GAD1: variants seen among roughly 807,000 people sequenced by gnomAD.
The protein encoded by GAD1 is 67 kDa glutamic acid decarboxylase.
In GAD1, 35 loss-of-function variants were observed where a neutral mutation model predicts 75.2. That is an observed-to-expected ratio of 0.47 (90% CI 0.36 to 0.62). The LOEUF (loss-of-function observed/expected upper bound fraction) is 0.62, where lower values mean the gene tolerates loss of function less well. GAD1 is among the 20% of genes least tolerant of loss of function. The pLI, the probability that GAD1 is intolerant of heterozygous loss-of-function variation, is 0.00. For synonymous variants in GAD1, 257 were observed against 271.9 expected (o/e 0.95, Z 0.54); for missense variants, 490 against 758.5 (o/e 0.65, Z 4.16).
At chr2:170,838,805 C>G (rs3791852) in intron 6 of GAD1, among the ~76,000 whole-genome samples, 22 of 152,328 alleles carry the variant, frequency 1.4e-4, no homozygotes, top group African/African-American at 5.3e-4. Context: ...GTGTCCCAGC[C>G]ATCTGAGGTC....
intron 6 of GAD1, among the ~76,000 whole-genome samples, chr2:170,840,645 GAGGGAGGT>G: frequency 8.5e-6 from 1 of 117,290 alleles, no homozygotes; most frequent in Non-Finnish European, 1.8e-5. Context: ...GGGAGGAAAG[GAGGGAGGT>G]AGGGAAGGGA....
chr2:170,839,586 C>T (rs567734135), intron 6 of GAD1, among the ~76,000 whole-genome samples: 1 of 151,648 alleles, frequency 6.6e-6, no homozygotes, highest in Non-Finnish European at 1.5e-5. Flanking sequence ...CGCACTCCAG[C>T]CCGGGCGACA....
chr2:170,843,746 T>A, intron 6 of GAD1: 1 of 329,688 alleles, frequency 3.0e-6, no homozygotes, highest in Non-Finnish European at 5.6e-6. Flanking sequence ...AGTCATTTTC[T>A]TTCCTTCTAT....
chr2:170,833,019 G>A (rs905711449), intron 5 of GAD1, among the ~76,000 whole-genome samples: 3 of 152,220 alleles, frequency 2.0e-5, no homozygotes, highest in African/African-American at 4.8e-5. Context: ...GACAGATCTA[G>A]AATAATTGAC....
intron 3 of GAD1, among the ~76,000 whole-genome samples, chr2:170,828,131 C>A (rs1702074657): frequency 6.9e-6 from 1 of 144,100 alleles, no homozygotes; most frequent in Non-Finnish European, 1.5e-5. Context: ...CCTCACCCTC[C>A]TCCCTCTGCT....
At position 170,830,808 on chromosome 2, in the gene GAD1, T is replaced by C. The variant is rs533630532; in HGVS notation, c.305-142T>C. 5 of 1,029,386 alleles carry C rather than the reference T, an allele frequency of 4.9e-6. No homozygotes were observed. In the South Asian group the frequency reaches 7.8e-5, roughly 16 times the overall value. 63.8% of individuals were successfully genotyped at this position (1,029,386 alleles called of 1,614,324 possible). A position where few individuals can be genotyped will look rare whatever the true frequency, so the allele number is the denominator to read the frequency against. On this transcript the variant is annotated intron_variant, in intron 4 of 16. Coordinates refer to ENST00000358196, the MANE Select transcript of GAD1 (RefSeq NM_000817.3). ...TATGTGCATTTTTCTGGAGATGTGGTATATCCGATTCTCAGTGCACATACA... is the reference window on the plus strand; with the variant it reads ...TATGTGCATTTTTCTGGAGATGTGGCATATCCGATTCTCAGTGCACATACA...
intron 11 of GAD1, among the ~76,000 whole-genome samples, chr2:170,848,109 G>GA (rs1192964296): frequency 6.6e-5 from 10 of 152,116 alleles, no homozygotes; most frequent in Admixed American, 2.0e-4. Flanking sequence ...ATTTCAGAGG[G>GA]AAAAAATAGA....
At chr2:170,855,652 A>G (rs1039745613) in intron 14 of GAD1, among the ~76,000 whole-genome samples, 6 of 151,968 alleles carry the variant, frequency 3.9e-5, no homozygotes, top group African/African-American at 1.4e-4. Context: ...AGGCAGGCGG[A>G]TCATTTGAGC....
Position 170,818,411 on chromosome 2 carries a change from C to G in GAD1, c.-63-118C>G. 1.5e-6 allele frequency: 1 copy of G among 657,744 alleles called. No individual in the cohort carries two copies. Among genetic ancestry groups the G allele is most frequent in the South Asian group, 1.7e-5 (1 of 57,792 alleles). The allele number at this position is 657,744 out of a possible 1,614,324, so 40.7% of individuals were successfully genotyped here. A position where few individuals can be genotyped will look rare whatever the true frequency, so the allele number is the denominator to read the frequency against. ...CAGGCAGGCTCGCTGCCTTTCCTCC[C>G]TCTTGTCTCTCCAGAGCCGGATCTT... On this transcript the variant is annotated intron_variant, in intron 1 of 16. Transcript: ENST00000358196. The surrounding 1 kb of genome is among the most constrained non-coding windows in gnomAD (Gnocchi z 5.9).
At chr2:170,832,254 C>T (rs896446517) in intron 5 of GAD1, among the ~76,000 whole-genome samples, 2 of 152,152 alleles carry the variant, frequency 1.3e-5, no homozygotes, top group African/African-American at 4.8e-5. Flanking sequence ...AAGGTGCTGG[C>T]TATGCTCTCT....
chr2:170,824,433 CCCTGGAGGGATGGA>C (rs1311989842), intron 3 of GAD1, among the ~76,000 whole-genome samples: 44 of 151,092 alleles, frequency 2.9e-4, no homozygotes, highest in African/African-American at 1.0e-3. Flanking sequence ...CTCCCTTCAT[CCCTGGAGGGATGGA>C]CCTGGAGGGT....
intron 4 of GAD1, 179 bp downstream of exon 4, chr2:170,829,812 C>T: frequency 1.5e-6 from 1 of 668,620 alleles, no homozygotes; most frequent in Non-Finnish European, 2.5e-6. Flanking sequence ...CCCTGCTGGC[C>T]AGGTCTCCAT....
intron 3 of GAD1, among the ~76,000 whole-genome samples, chr2:170,827,127 C>A (rs1702044289): frequency 6.6e-6 from 1 of 152,126 alleles, no homozygotes; most frequent in African/African-American, 2.4e-5. Flanking sequence ...TTCTTCCCTC[C>A]AGAAATAGCC....
intron 3 of GAD1, among the ~76,000 whole-genome samples, chr2:170,828,049 ACCCC>A: frequency 3.6e-5 from 1 of 27,772 alleles, no homozygotes; most frequent in African/African-American, 2.5e-4. Flanking sequence ...TGCCATCCTC[ACCCC>A]TCCTCCTTCT....
At chr2:170,840,640 G>A in intron 6 of GAD1, among the ~76,000 whole-genome samples, 1 of 90,942 alleles carries the variant, frequency 1.1e-5, no homozygotes, top group Non-Finnish European at 2.1e-5. Context: ...AGGAAGGGAG[G>A]AAAGGAGGGA....
intron 3 of GAD1, among the ~76,000 whole-genome samples, chr2:170,828,067 G>GTCCTCCCCC (rs1702067568): frequency 3.3e-5 from 1 of 29,900 alleles, no homozygotes; most frequent in Non-Finnish European, 6.3e-5. Flanking sequence ...TCCTTCTGCT[G>GTCCTCCCCC]TCCTCCCTCT....
In GAD1 at chr2:170,853,392, G is replaced by A. The variant is rs765658469; in HGVS notation, c.1264-481G>A. 2 of 200,752 alleles carry A rather than the reference G, an allele frequency of 1.0e-5. No individual in the cohort carries two copies. Among genetic ancestry groups the A allele is most frequent in the African/African-American group, 2.3e-5 (1 of 43,182 alleles). The allele number at this position is 200,752 out of a possible 1,614,324, so 12.4% of individuals were successfully genotyped here. On this transcript the variant is annotated intron_variant, in intron 13 of 16. Transcript: ENST00000358196. This position sits in a 1 kb window ranked among gnomAD's most constrained non-coding sequence, Gnocchi z 4.1. ...CAAAAAGTCTGTCTCCAGCCTGTAG[G>A]AGCCAGAATCTGCACAGCGTCTTTA...
At chr2:170,858,711 A>G in intron 15 of GAD1, 93 bp from the exon 16 acceptor site, 2 of 1,116,014 alleles carry the variant, frequency 1.8e-6, no homozygotes, top group East Asian at 2.4e-5. Flanking sequence ...TCTTTGGTCC[A>G]AGAGACTTCC....
At chr2:170,846,515 CAAAA>C (rs1395323345) in intron 10 of GAD1, among the ~76,000 whole-genome samples, 1 of 152,200 alleles carries the variant, frequency 6.6e-6, no homozygotes, top group Admixed American at 6.5e-5. Context: ...CTCTATTAAA[CAAAA>C]AAACTCACAG....
Sources: gnomAD v4.1 joint callset for allele counts (sites outside exome capture counted in the v4.1 genomes callset) on GRCh38, gnomAD v4.1.1 for gene constraint, Gnocchi (gnomAD v3.1) non-coding constraint, MANE v1.5 for transcripts, NCBI Gene and HGNC (gene_info 2026-07-23, HGNC 2026-07-21) for gene names.